The following RTEL1 variants were observed in gnomAD, a reference collection of about 807,000 sequenced individuals.
RTEL1 encodes regulator of telomere length.
Under a neutral mutation model 162.2 loss-of-function variants are expected in RTEL1, and 86 were observed. That is an observed-to-expected ratio of 0.53 (90% CI 0.45 to 0.63). RTEL1 has a LOEUF of 0.63. Among genes scored for constraint, RTEL1 ranks in the 30% least tolerant of loss-of-function variants. The pLI is 0.00. For synonymous variants in RTEL1, 958 were observed against 717.9 expected (o/e 1.33, Z -5.35); for missense variants, 1,941 against 1,750.2 (o/e 1.11, Z -1.95).
rs1568719887 is a variant in RTEL1, at chr20:63,693,453, ACCTCCACCTCCACCTCCACCTCCACCT to A, written c.2992+173_2992+199del. 1.9e-4 allele frequency among the ~76,000 whole-genome samples: 7 copies of A among 37,034 alleles called. No homozygotes were observed. In the East Asian group the frequency reaches 3.4e-3, roughly 18 times the overall value. 24.3% of individuals were successfully genotyped at this position (37,034 alleles called of 152,430 possible). A position where few individuals can be genotyped will look rare whatever the true frequency, so the allele number is the denominator to read the frequency against. Reference sequence around the variant, plus strand: ...CTCCACCACCAGCACCAGCAGCACCACCTCCACCTCCACCTCCACCTCCACCTCCACCACCACCTCCACCTCCACCAC... The same window carrying A: ...CTCCACCACCAGCACCAGCAGCACCACCACCACCACCTCCACCTCCACCAC... On this transcript the variant is annotated intron_variant, in intron 30 of 34. Coordinates refer to ENST00000360203, the MANE Select transcript of RTEL1 (RefSeq NM_001283009.2).
At chr20:63,686,189 C>T (rs762459915) in intron 16 of RTEL1, 2 of 448,208 alleles carry the variant, frequency 4.5e-6, no homozygotes, top group African/African-American at 2.0e-5. Flanking sequence ...ACAGAGCCTC[C>T]ACAGTGAGGC....
chr20:63,682,675 T>G, intron 14 of RTEL1: 2 of 985,906 alleles, frequency 2.0e-6, no homozygotes, highest in Non-Finnish European at 2.4e-6. Context: ...GCGGTGCCCA[T>G]AGGGCTGGTG....
intron 10 of RTEL1, among the ~76,000 whole-genome samples, chr20:63,675,703 G>T (rs2090335029): frequency 6.6e-6 from 1 of 152,166 alleles, no homozygotes; most frequent in Admixed American, 6.5e-5. Flanking sequence ...GCAGGGAGTT[G>T]CAGTGGGGGA....
In RTEL1 at chr20:63,681,258, A is replaced by G. The variant is rs565150556; in HGVS notation, c.1191+539A>G. The G allele has an allele frequency of 8.1e-6, 8 of 985,308 alleles. No homozygotes were observed. The South Asian group carries it at 1.9e-4, about 23-fold the overall frequency. 61.0% of individuals were successfully genotyped at this position (985,308 alleles called of 1,614,324 possible). ...GAGGTCTGCTTCTGGCTCCATGCCT[A>G]TGGCAGCACCTGCTTTCCCTGGCGT... is the stretch of plus-strand genomic sequence containing the variant. On this transcript the variant is annotated intron_variant, in intron 14 of 34. Coordinates refer to ENST00000360203, the MANE Select transcript of RTEL1 (RefSeq NM_001283009.2).
At chr20:63,659,156 A>G in intron 1 of RTEL1, 77 bp from the exon 2 acceptor site, 1 of 525,866 alleles carries the variant, frequency 1.9e-6, no homozygotes, top group Non-Finnish European at 3.5e-6. Flanking sequence ...CGCAGGAGGG[A>G]CTGATGGAAA....
Position 63,693,465 on chromosome 20 carries a change from ACCTCCACCTCCACCT to A in RTEL1, c.2992+185_2992+199del, listed in dbSNP as rs1300101331. Reference sequence around the variant, plus strand: ...CACCAGCAGCACCACCTCCACCTCCACCTCCACCTCCACCTCCACCACCACCTCCACCTCCACCAC... The same window carrying A: ...CACCAGCAGCACCACCTCCACCTCCACCACCACCACCTCCACCTCCACCAC... On this transcript the variant is annotated intron_variant, in intron 30 of 34. Transcript: ENST00000360203. Among the ~76,000 whole-genome samples the A allele has an allele frequency of 0.29, 7,048 of 24,556 alleles. 1,187 individuals carry two copies. Among genetic ancestry groups the A allele is most frequent in the South Asian group, 0.4 (309 of 772 alleles). The allele number at this position is 24,556 out of a possible 152,430, so 16.1% of individuals were successfully genotyped here.
intron 4 of RTEL1, 129 bp downstream of exon 4, chr20:63,662,072 T>G (rs1016213125): frequency 1.5e-5 from 11 of 756,002 alleles, no homozygotes; most frequent in Non-Finnish European, 2.2e-5. Flanking sequence ...CCCCGAAGTG[T>G]GCAGAGCGCT....
At chr20:63,681,056 T>C (rs1161861093) in intron 14 of RTEL1, 2 of 985,322 alleles carry the variant, frequency 2.0e-6, no homozygotes, top group East Asian at 1.1e-4. Flanking sequence ...CAGCCCCAGC[T>C]GCACGCAGAT....
Position 63,678,250 on chromosome 20 carries a change from C to T in RTEL1, c.959-18C>T, listed in dbSNP as rs1215931069. 1.2e-6 allele frequency: 2 copies of T among 1,612,586 alleles called. No homozygotes were observed. The highest frequency in any genetic ancestry group is 1.7e-6 in the Non-Finnish European group (2 of 1,179,008). ...CTCCTCCTTGCGAGGAGGTGGGTGA[C>T]ACCTCCTCGACCCACAGTGATCCTG... is the stretch of plus-strand genomic sequence containing the variant. On this transcript the variant is annotated intron_variant, in intron 11 of 34. Transcript: ENST00000360203.
chr20:63,674,146 A>C, intron 10 of RTEL1, 53 bp downstream of exon 10: 2 of 1,544,374 alleles, frequency 1.3e-6, no homozygotes, highest in Admixed American at 3.8e-5. Flanking sequence ...CTGCAGGGTG[A>C]GCCCCACCCG....
rs778086975 is a variant in RTEL1, at chr20:63,694,913, G to T, written c.3282G>T (p.Lys1094Asn). Residue 1094 changes from lysine (K) to asparagine (N), a missense_variant, in exon 32 of 35, where the codon AAG becomes AAT. Physicochemically the swap from Lys to Asn is moderately conservative, Grantham distance 94. Transcript: ENST00000360203. ...ATAAGCAAGACGACGACCTCGACAAGGTGCTGGCTGTGTTGGCCGCCCTGA... is the reference window on the plus strand; with the variant it reads ...ATAAGCAAGACGACGACCTCGACAATGTGCTGGCTGTGTTGGCCGCCCTGA... ...TAYKQDDDLD[K>N]VLAVLAALTT... The T allele has an allele frequency of 5.6e-6, 9 of 1,612,646 alleles. No homozygotes were observed. The highest frequency in any genetic ancestry group is 5.0e-5 in the Admixed American group (3 of 60,026).
chr20:63,672,233 G>C (rs2090257810), intron 8 of RTEL1, among the ~76,000 whole-genome samples: 1 of 152,192 alleles, frequency 6.6e-6, no homozygotes, highest in African/African-American at 2.4e-5. Context: ...GGGAACTGCT[G>C]GGTCTGGGTC....
rs1568719939 is a variant in RTEL1 at position 63,693,459 on chromosome 20, ACCTCCACCTCCACCT to A, written c.2992+179_2992+193del. ...CACCAGCACCAGCAGCACCACCTCC[ACCTCCACCTCCACCT>A]CCACCTCCACCACCACCTCCACCTC... is the stretch of plus-strand genomic sequence containing the variant. On this transcript the variant is annotated intron_variant, in intron 30 of 34. Transcript: ENST00000360203. Among the ~76,000 whole-genome samples, 321 of 18,244 alleles carry A rather than the reference ACCTCCACCTCCACCT, an allele frequency of 0.018. 22 individuals carry two copies. The highest frequency in any genetic ancestry group is 0.037 in the Middle Eastern group (2 of 54). The allele number at this position is 18,244 out of a possible 152,430, so 12.0% of individuals were successfully genotyped here. A position where few individuals can be genotyped will look rare whatever the true frequency, so the allele number is the denominator to read the frequency against.
intron 31 of RTEL1, 58 bp from the exon 32 acceptor site, chr20:63,694,683 G>A: frequency 2.1e-6 from 3 of 1,440,870 alleles, no homozygotes; most frequent in African/African-American, 2.8e-5. Context: ...GGGCAGGGCG[G>A]TGGGACTCTC....
chr20:63,695,338 G>A lies in RTEL1; in HGVS notation c.3510G>A (p.Arg1170=), dbSNP rs1341254091. 2 of 1,556,210 alleles carry A rather than the reference G, an allele frequency of 1.3e-6. No homozygotes were observed. The highest frequency in any genetic ancestry group is 2.7e-5 in the African/African-American group (2 of 73,362). ...AGTCTCTGTCTCCAGGCCCCTCACGGTCCGAGAAGACCGGGAAGACCCAGA... is the reference window on the plus strand; with the variant it reads ...AGTCTCTGTCTCCAGGCCCCTCACGATCCGAGAAGACCGGGAAGACCCAGA... ...THRAPQPGPS[R]SEKTGKTQSK... Residue 1170 remains arginine (R), a synonymous_variant, in exon 34 of 35, where the codon CGG becomes CGA. Transcript: ENST00000360203.
chr20:63,663,544 G>T (rs563780733), intron 6 of RTEL1, among the ~76,000 whole-genome samples: 1 of 152,354 alleles, frequency 6.6e-6, no homozygotes, highest in South Asian at 2.1e-4. Flanking sequence ...CACCCACGTG[G>T]CTGCCCCTCG....
chr20:63,681,448 G>A (rs1262558885), intron 14 of RTEL1: 1 of 985,262 alleles, frequency 1.0e-6, no homozygotes, highest in African/African-American at 1.7e-5. Flanking sequence ...CCTCCTCTGT[G>A]CTGCCCACGC....
rs1340574679 is a variant in RTEL1, at chr20:63,694,475, G to A, written c.3096G>A (p.Arg1032=). The A allele has an allele frequency of 6.2e-7, 1 of 1,600,090 alleles. No homozygotes were observed. The highest frequency in any genetic ancestry group is 8.5e-7 in the Non-Finnish European group (1 of 1,169,776). ...AGGGCAGGCCCCACCTGTCGCCCAG[G>A]CCACCCCCAACAGGTAGCTGACTCC... ...LNQGRPHLSP[R]PPPTGDPGSQ... Residue 1032 remains arginine, a synonymous_variant, in exon 31 of 35, where the codon AGG becomes AGA. Coordinates refer to ENST00000360203, the MANE Select transcript of RTEL1 (RefSeq NM_001283009.2).
At chr20:63,674,198 C>T (rs1601120493) in intron 10 of RTEL1, 105 bp downstream of exon 10, 2 of 1,493,560 alleles carry the variant, frequency 1.3e-6, no homozygotes, top group Non-Finnish European at 1.8e-6. Flanking sequence ...CGTTCATAGC[C>T]AGGCTGCTTG....
Sources: allele counts gnomAD v4.1 joint callset (sites outside exome capture counted in the v4.1 genomes callset), GRCh38; gene constraint gnomAD v4.1.1; transcripts MANE v1.5; gene names NCBI Gene and HGNC (gene_info 2026-07-23, HGNC 2026-07-21).